EDARADD: variants seen among roughly 807,000 people sequenced by gnomAD.
EDARADD encodes ectodysplasin-A receptor-associated adapter protein.
EDARADD carries 20 observed loss-of-function variants against 25.6 expected under a neutral mutation model. The observed-to-expected ratio is 0.78, with a 90% CI of 0.55 to 1.14. EDARADD has a LOEUF of 1.14. Among genes scored for constraint, EDARADD ranks in the 50% most tolerant of loss-of-function variants. The pLI is 0.00. For missense variants in EDARADD, 225 were observed against 270.1 expected (o/e 0.83, Z 1.17); for synonymous variants, 86 against 94.4 (o/e 0.91, Z 0.52).
chr1:236,414,544 G>A (rs1002287933), intron 3 of EDARADD, among the ~76,000 whole-genome samples: 4 of 151,958 alleles, frequency 2.6e-5, no homozygotes, highest in Admixed American at 1.3e-4. Flanking sequence ...AACAAATTAT[G>A]CGTTAAATTC....
intron 2 of EDARADD, among the ~76,000 whole-genome samples, chr1:236,413,894 T>C (rs1657565484): frequency 6.6e-6 from 1 of 152,196 alleles, no homozygotes; most frequent in African/African-American, 2.4e-5. Flanking sequence ...CCAGTGACTA[T>C]TGCAGAAACG....
chr1:236,433,537 C>T (rs1451559800), intron 4 of EDARADD, among the ~76,000 whole-genome samples: 1 of 151,574 alleles, frequency 6.6e-6, no homozygotes, highest in Non-Finnish European at 1.5e-5. Flanking sequence ...TCTCGAACTC[C>T]TGACCTCAGG....
Position 236,468,551 on chromosome 1 carries a change from C to T in EDARADD, c.265+275C>T, listed in dbSNP as rs544245446. On this transcript the variant is annotated intron_variant, in intron 5 of 5. Transcript: ENST00000334232. Reference sequence around the variant, plus strand: ...AGGAGAATCGCTTGAACCCGGGAGGCGGAGGTTGCAGTGAGCCAAGATCAC... The same window carrying T: ...AGGAGAATCGCTTGAACCCGGGAGGTGGAGGTTGCAGTGAGCCAAGATCAC... Among the ~76,000 whole-genome samples the T allele has an allele frequency of 7.6e-3, 1,151 of 152,116 alleles. 2 individuals are homozygous for T. Among genetic ancestry groups the T allele is most frequent in the Non-Finnish European group, 0.012 (791 of 67,990 alleles).
chr1:236,428,996 C>T (rs1037116201), intron 4 of EDARADD, among the ~76,000 whole-genome samples: 6 of 152,234 alleles, frequency 3.9e-5, no homozygotes, highest in African/African-American at 1.4e-4. Context: ...ACCAGTCAGG[C>T]GTTGCGACGC....
At chr1:236,414,100 G>A (rs935728172) in intron 2 of EDARADD, among the ~76,000 whole-genome samples, 160 bp from the exon 3 acceptor site, 1 of 152,222 alleles carries the variant, frequency 6.6e-6, no homozygotes, top group African/African-American at 2.4e-5. Context: ...TGTCGACTGA[G>A]AATAAACACA....
intron 3 of EDARADD, among the ~76,000 whole-genome samples, chr1:236,356,849 C>T (rs6702478): frequency 0.14 from 21,984 of 151,938 alleles, 2,115 homozygotes; most frequent in East Asian, 0.43. Flanking sequence ...TTTGGGAGGC[C>T]GAGGTGGGCA....
chr1:236,350,674 G>A (rs990945416), intron 2 of EDARADD: 1 of 140,746 alleles, frequency 7.1e-6, no homozygotes, highest in African/African-American at 2.7e-5. Flanking sequence ...AAAGCAGATT[G>A]GTCCTTTCAA....
chr1:236,373,600 G>C (rs1166126275), intron 3 of EDARADD, among the ~76,000 whole-genome samples: 1 of 152,124 alleles, frequency 6.6e-6, no homozygotes, highest in Non-Finnish European at 1.5e-5. Context: ...TCTTTTTAAA[G>C]AACCAGCTTT....
In EDARADD at chr1:236,427,374, TC is replaced by T. The variant is rs1269599092; in HGVS notation, c.161-17del. 1.9e-6 allele frequency: 3 copies of T among 1,600,722 alleles called. No individual in the cohort carries two copies. Among genetic ancestry groups the T allele is most frequent in the Non-Finnish European group, 2.6e-6 (3 of 1,171,500 alleles). The stretch of plus-strand genomic sequence containing the variant: ...ATCACACTTTGTTTCTTTCTTTCTT[TC>T]TTTTTTTTTTTCCTAGCTGAAGAAT... On this transcript the variant is annotated splice_polypyrimidine_tract_variant and intron_variant, in intron 3 of 5. Coordinates refer to ENST00000334232, the MANE Select transcript of EDARADD (RefSeq NM_145861.4).
chr1:236,362,367 A>G (rs1667061321), intron 3 of EDARADD, among the ~76,000 whole-genome samples: 1 of 152,136 alleles, frequency 6.6e-6, no homozygotes, highest in Non-Finnish European at 1.5e-5. Flanking sequence ...TTGCCTGCCT[A>G]GATCTTTAGC....
intron 3 of EDARADD, among the ~76,000 whole-genome samples, chr1:236,387,130 C>T (rs1433711047): frequency 2.5e-5 from 1 of 40,666 alleles, no homozygotes. Context: ...CCAGCCGCCC[C>T]GTCCGGGAGG....
chr1:236,361,505 T>C (rs1667048651), intron 3 of EDARADD, among the ~76,000 whole-genome samples: 1 of 151,728 alleles, frequency 6.6e-6, no homozygotes, highest in Non-Finnish European at 1.5e-5. Flanking sequence ...AATTTTTGTA[T>C]TTTTAGTAGA....
Position 236,468,175 on chromosome 1 carries a change from A to G in EDARADD, c.220-56A>G, listed in dbSNP as rs1186423945. The G allele has an allele frequency of 9.8e-6, 15 of 1,537,840 alleles. No homozygotes were observed. The Admixed American group carries it at 2.3e-4, about 24-fold the overall frequency. ...ATTTAACTAAGTTGGAAGATTGATA[A>G]TATCTCCATTCACATTTGGATATGA... On this transcript the variant is annotated intron_variant, in intron 4 of 5. Transcript: ENST00000334232.
At chr1:236,392,491 A>T (rs373126301), upstream of EDARADD, among the ~76,000 whole-genome samples, 2 of 139,630 alleles carry the variant, frequency 1.4e-5, no homozygotes, top group African/African-American at 2.7e-5. Flanking sequence ...TGCTCAGCTA[A>T]TTTTTTTTTT....
chr1:236,459,217 A>G (rs1238381132), intron 4 of EDARADD, among the ~76,000 whole-genome samples: 1 of 152,102 alleles, frequency 6.6e-6, no homozygotes, highest in Non-Finnish European at 1.5e-5. Flanking sequence ...ACAGGTGCAA[A>G]AACTCCCTGC....
intron 4 of EDARADD, among the ~76,000 whole-genome samples, chr1:236,455,791 G>A (rs950805675): frequency 2.1e-5 from 3 of 141,428 alleles, no homozygotes; most frequent in Non-Finnish European, 3.0e-5. Context: ...AATAGAAATC[G>A]CCTGTTCTTT....
At chr1:236,351,183 C>T (rs1017395667) in intron 3 of EDARADD, among the ~76,000 whole-genome samples, 16 of 152,176 alleles carry the variant, frequency 1.1e-4, no homozygotes, top group Admixed American at 3.3e-4. Flanking sequence ...GTTACTAGTC[C>T]CAGTGAATAT....
chr1:236,356,404 G>A (rs192206377), intron 3 of EDARADD, among the ~76,000 whole-genome samples: 10 of 152,248 alleles, frequency 6.6e-5, no homozygotes, highest in African/African-American at 1.4e-4. Context: ...TATGTTTACC[G>A]GGCACTCTGG....
intron 3 of EDARADD, among the ~76,000 whole-genome samples, chr1:236,389,201 G>A (rs1485117274): frequency 6.6e-6 from 1 of 152,192 alleles, no homozygotes; most frequent in Non-Finnish European, 1.5e-5. Flanking sequence ...AGGAACACCT[G>A]CAAGGTTGTG....
Sources: gnomAD v4.1 joint callset for allele counts (sites outside exome capture counted in the v4.1 genomes callset) on GRCh38, gnomAD v4.1.1 for gene constraint, MANE v1.5 for transcripts, NCBI Gene and HGNC (gene_info 2026-07-23, HGNC 2026-07-21) for gene names.